The following LRRC49 variants were observed in gnomAD, a reference collection of about 807,000 sequenced individuals.
LRRC49 encodes leucine-rich repeat-containing protein 49.
Under a neutral mutation model 83.3 loss-of-function variants are expected in LRRC49, and 50 were observed. The observed-to-expected ratio is 0.60, with a 90% CI of 0.48 to 0.76. The LOEUF (loss-of-function observed/expected upper bound fraction) is 0.76. Ranked by LOEUF, LRRC49 falls within the 30% of genes least tolerant of loss-of-function variation. The pLI is 0.00. For synonymous variants in LRRC49, 286 were observed against 283.3 expected, an observed-to-expected ratio of 1.01 and a Z score of -0.10; for missense variants, 704 against 809.1, an observed-to-expected ratio of 0.87 and a Z score of 1.58.
intron 9 of LRRC49, among the ~76,000 whole-genome samples, chr15:70,966,304 C>T (rs1216954385): frequency 6.6e-6 from 1 of 152,098 alleles, no homozygotes; most frequent in Non-Finnish European, 1.5e-5. Context: ...TGATTTTTAA[C>T]TTCCAGGGGA....
At chr15:70,979,745 C>T (rs1486853562) in intron 9 of LRRC49, among the ~76,000 whole-genome samples, 1 of 151,994 alleles carries the variant, frequency 6.6e-6, no homozygotes, top group Non-Finnish European at 1.5e-5. Context: ...CACTTTTATC[C>T]TTCTTACCTT....
At chr15:70,872,926 G>A (rs961102898) in exon 2 of LRRC49, 5 of 234,290 alleles carry the variant, frequency 2.1e-5, no homozygotes, top group East Asian at 7.6e-5. Flanking sequence ...TCACTCTGTC[G>A]CCTAGGCTGG....
chr15:71,013,011 A>G, intron 14 of LRRC49, 98 bp downstream of exon 14: 1 of 737,434 alleles, frequency 1.4e-6, no homozygotes, highest in East Asian at 2.6e-5. Context: ...TATGTGTTCC[A>G]TAAACATGTA....
Position 70,904,575 on chromosome 15 carries a change from T to C in LRRC49, c.320T>C (p.Ile107Thr). 1 of 1,613,444 alleles carries C rather than the reference T, an allele frequency of 6.2e-7. No homozygotes were observed. Among genetic ancestry groups the C allele is most frequent in the Non-Finnish European group, 8.5e-7 (1 of 1,179,470 alleles). ...AGACAAAAGCTGACCGTATGTCCTA[T>C]CATCAATGGGGAAGACCACCTTCGT... ...LERQKLTVCP[I>T]INGEDHLRLL... The change falls in exon 5 of 16, where the codon ATC (isoleucine) becomes ACC (threonine). Residue 107 changes from isoleucine to threonine, a missense_variant. Ile to Thr is a moderately conservative substitution (Grantham distance 89, BLOSUM62 -1). This residue lies in a region of LRRC49 where 261 missense variants were observed against 330.5 expected (regional missense o/e 0.79). Transcript: ENST00000260382.
chr15:70,989,672 G>A (rs541033880), intron 11 of LRRC49, among the ~76,000 whole-genome samples: 2 of 152,308 alleles, frequency 1.3e-5, no homozygotes, highest in South Asian at 4.1e-4. Context: ...CATTGCTGGT[G>A]AGGAGCTGTG....
intron 7 of LRRC49, among the ~76,000 whole-genome samples, chr15:70,922,512 G>A (rs1171073899): frequency 6.6e-6 from 1 of 152,032 alleles, no homozygotes; most frequent in African/African-American, 2.4e-5. Flanking sequence ...TAGGAGGATG[G>A]TTATCAGAGG....
At chr15:70,995,040 TTCCAAGA>T (rs1444278595) in intron 11 of LRRC49, among the ~76,000 whole-genome samples, 1 of 152,176 alleles carries the variant, frequency 6.6e-6, no homozygotes, top group African/African-American at 2.4e-5. Context: ...AGTGAGTTTA[TTCCAAGA>T]TCGCAGAGTA....
rs751047565 is a variant in LRRC49, at chr15:70,936,714, AT to A, written c.712-40del. The A allele has an allele frequency of 4.6e-5, 52 of 1,124,448 alleles. No homozygotes were observed. In the South Asian group the frequency reaches 5.2e-4, roughly 11 times the overall value. The allele number at this position is 1,124,448 out of a possible 1,614,324, so 69.7% of individuals were successfully genotyped here. ...AGCTTAGCAAGAAGACATTTATAAT[AT>A]TTTTTTCTTTCATCTGATTAAGTTT... On this transcript the variant is annotated intron_variant, in intron 7 of 15. Transcript: ENST00000260382.
intron 9 of LRRC49, among the ~76,000 whole-genome samples, chr15:70,966,515 T>C (rs74566714): frequency 1.3e-5 from 2 of 152,286 alleles, no homozygotes; most frequent in Non-Finnish European, 2.9e-5. Flanking sequence ...CAGTGTCCAA[T>C]GTGATTCTCT....
chr15:71,019,979 A>C (rs2038944323), intron 14 of LRRC49, among the ~76,000 whole-genome samples: 2 of 152,188 alleles, frequency 1.3e-5, no homozygotes, highest in African/African-American at 4.8e-5. Flanking sequence ...GAAAAAATAG[A>C]TTACAGAAAC....
rs1427901758 is a variant in LRRC49, at chr15:70,911,524, G to C, written c.501-8G>C. ...CCGTATTTCTATTCTACTTATTCTG[G>C]TTTTCAGAATCAAGAAAATCTCAAA... On this transcript the variant is annotated splice_polypyrimidine_tract_variant and splice_region_variant and intron_variant, in intron 5 of 15. Transcript: ENST00000260382. 2.0e-6 allele frequency: 3 copies of C among 1,513,182 alleles called. No homozygotes were observed. Among genetic ancestry groups the C allele is most frequent in the Non-Finnish European group, 2.7e-6 (3 of 1,101,940 alleles). 93.7% of individuals were successfully genotyped at this position (1,513,182 alleles called of 1,614,324 possible).
rs2036931679 is a variant in LRRC49, at chr15:70,969,891, G to T, written c.921+5959G>T. 3.3e-5 allele frequency among the ~76,000 whole-genome samples: 5 copies of T among 152,106 alleles called. No homozygotes were observed. The South Asian group carries it at 1.0e-3, about 32-fold the overall frequency. On this transcript the variant is annotated intron_variant, in intron 9 of 15. Coordinates refer to ENST00000260382, the MANE Select transcript of LRRC49 (RefSeq NM_017691.5). ...GGAGTTTTGGGGCTGAGATGATGGG[G>T]TTTTCTAAATATACAATCATATCAT...
At chr15:70,944,321 T>C (rs2035930636) in intron 8 of LRRC49, among the ~76,000 whole-genome samples, 1 of 152,194 alleles carries the variant, frequency 6.6e-6, no homozygotes, top group African/African-American at 2.4e-5. Context: ...CAATAATCTT[T>C]TGGAATATAA....
rs559734307 is a variant in LRRC49, at chr15:70,936,876, A to G, written c.773+54A>G. 267 of 1,120,658 alleles carry G rather than the reference A, an allele frequency of 2.4e-4. 2 individuals carry two copies. The African/African-American group carries it at 3.7e-3, about 15-fold the overall frequency. 69.4% of individuals were successfully genotyped at this position (1,120,658 alleles called of 1,614,324 possible). The stretch of plus-strand genomic sequence containing the variant: ...ATTATAACTTGATTGTGTGAGTTCT[A>G]GTGCTTTAGATTAAGATTGTAAATA... On this transcript the variant is annotated intron_variant, in intron 8 of 15. Transcript: ENST00000260382.
Position 70,877,044 on chromosome 15 carries a change from C to A in LRRC49, c.18+3821C>A, listed in dbSNP as rs557730923. 3.3e-5 allele frequency among the ~76,000 whole-genome samples: 5 copies of A among 152,278 alleles called. No individual in the cohort carries two copies. The East Asian group carries it at 9.7e-4, about 29-fold the overall frequency. On this transcript the variant is annotated intron_variant, in intron 2 of 16. Coordinates refer to the LRRC49 transcript ENST00000544974. ...TGCTTTTTATGCATCCGTGTCTCTA[C>A]TGACTTTTTCTGGGCCTTCAGTCCT...
At chr15:70,890,272 G>C (rs963420042), upstream of LRRC49, among the ~76,000 whole-genome samples, 1 of 152,132 alleles carries the variant, frequency 6.6e-6, no homozygotes, top group African/African-American at 2.4e-5. Flanking sequence ...GTATGTGGAT[G>C]TATATGTTTG....
At chr15:71,006,593 T>C (rs959079793) in intron 11 of LRRC49, among the ~76,000 whole-genome samples, 3 of 152,106 alleles carry the variant, frequency 2.0e-5, no homozygotes, top group Non-Finnish European at 4.4e-5. Flanking sequence ...AACTTCATCA[T>C]TGTCCCACTT....
intron 9 of LRRC49, among the ~76,000 whole-genome samples, chr15:70,976,852 CTAAGT>C (rs1378070942): frequency 2.6e-5 from 4 of 151,656 alleles, no homozygotes; most frequent in African/African-American, 9.7e-5. Flanking sequence ...GGTTTTTTTT[CTAAGT>C]TTAGTTACTC....
intron 8 of LRRC49, among the ~76,000 whole-genome samples, chr15:70,948,083 C>T (rs1482609519): frequency 6.6e-6 from 1 of 152,062 alleles, no homozygotes; most frequent in Non-Finnish European, 1.5e-5. Context: ...TGGGTCATTT[C>T]ATCCCATTTC....
Sources: gnomAD v4.1 joint callset for allele counts (sites outside exome capture counted in the v4.1 genomes callset) on GRCh38, gnomAD v4.1.1 for gene constraint, gnomAD v4.1.1 regional missense constraint, MANE v1.5 for transcripts, NCBI Gene and HGNC (gene_info 2026-07-23, HGNC 2026-07-21) for gene names.